Variants in ALG14 observed in about 807,000 individuals in gnomAD.
ALG14 encodes UDP-N-acetylglucosamine transferase subunit ALG14.
ALG14 carries 17 observed loss-of-function variants against 22.8 expected under a neutral mutation model. That is an observed-to-expected ratio of 0.75 (90% confidence interval 0.51 to 1.12). ALG14 has a LOEUF of 1.12. Ranked by LOEUF, ALG14 falls within the 50% of genes most tolerant of loss-of-function variation. The pLI is 0.00. For synonymous variants in ALG14, 89 were observed against 103.7 expected, an observed-to-expected ratio of 0.86 and a Z score of 0.86; for missense variants, 288 against 271.8, an observed-to-expected ratio of 1.06 and a Z score of -0.42.
intron 3 of ALG14, among the ~76,000 whole-genome samples, chr1:94,987,798 G>A (rs1672680678): frequency 6.6e-6 from 1 of 152,212 alleles, no homozygotes; most frequent in African/African-American, 2.4e-5. Flanking sequence ...GGGTTGGTTT[G>A]TAGGTCAGAG....
rs1672474192 is a variant in ALG14, at chr1:94,980,402, G to A, written c.*2674C>T. 6.6e-6 allele frequency: 1 copy of A among 152,224 alleles called. No individual in the cohort carries two copies. The highest frequency in any genetic ancestry group is 1.9e-4 in the East Asian group (1 of 5,206). 9.4% of individuals were successfully genotyped at this position (152,224 alleles called of 1,614,324 possible). A position where few individuals can be genotyped will look rare whatever the true frequency, so the allele number is the denominator to read the frequency against. ...GGACTGTAGATAGAAATCTTCCAGGGAAGTAGGTGTGGGCAGGATGTGTGG... is the reference window on the plus strand; with the variant it reads ...GGACTGTAGATAGAAATCTTCCAGGAAAGTAGGTGTGGGCAGGATGTGTGG... On this transcript the variant is annotated 3_prime_UTR_variant, in exon 4 of 4. Transcript: ENST00000370205.
At chr1:94,996,282 T>G (rs1672907682) in intron 3 of ALG14, among the ~76,000 whole-genome samples, 1 of 151,992 alleles carries the variant, frequency 6.6e-6, no homozygotes, top group East Asian at 1.9e-4. Context: ...ATTGGGGACC[T>G]CTGCTCTACA....
chr1:95,056,388 T>C (rs1395054323), intron 2 of ALG14, among the ~76,000 whole-genome samples: 1 of 152,230 alleles, frequency 6.6e-6, no homozygotes, highest in Non-Finnish European at 1.5e-5. Context: ...CTCATGTTTA[T>C]AATTCTAGCA....
At chr1:95,051,087 G>A (rs1008223093) in intron 2 of ALG14, among the ~76,000 whole-genome samples, 5 of 151,984 alleles carry the variant, frequency 3.3e-5, no homozygotes, top group Non-Finnish European at 7.4e-5. Context: ...CCTATACACA[G>A]AAGACTCCAA....
At chr1:94,984,080 C>G (rs1382819904) in intron 3 of ALG14, among the ~76,000 whole-genome samples, 2 of 151,832 alleles carry the variant, frequency 1.3e-5, no homozygotes, top group Non-Finnish European at 2.9e-5. Flanking sequence ...TAAGAGAAAA[C>G]CTGTTTCAGA....
intron 3 of ALG14, among the ~76,000 whole-genome samples, chr1:95,009,611 T>C (rs1673311363): frequency 6.6e-6 from 1 of 152,158 alleles, no homozygotes; most frequent in Non-Finnish European, 1.5e-5. Flanking sequence ...ATTCTCTGTA[T>C]GCAAAATAAT....
chr1:94,993,773 G>C (rs1243203479), intron 3 of ALG14, among the ~76,000 whole-genome samples: 1 of 152,134 alleles, frequency 6.6e-6, no homozygotes, highest in South Asian at 2.1e-4. Flanking sequence ...CTGATTTTTG[G>C]GGTTTGGGCT....
At chr1:95,036,214 C>T (rs1348421987) in intron 2 of ALG14, among the ~76,000 whole-genome samples, 6 of 152,118 alleles carry the variant, frequency 3.9e-5, no homozygotes, top group African/African-American at 2.4e-5. Context: ...ATGGGAAGGA[C>T]CAAGTGGAGA....
At chr1:95,005,402 G>A (rs1030954841) in intron 3 of ALG14, among the ~76,000 whole-genome samples, 5 of 146,590 alleles carry the variant, frequency 3.4e-5, no homozygotes, top group African/African-American at 1.4e-4. Context: ...ATGTTTCTAA[G>A]CCAGAAACGA....
chr1:95,072,418 C>T (rs1052799564), intron 1 of ALG14, among the ~76,000 whole-genome samples: 3 of 152,162 alleles, frequency 2.0e-5, no homozygotes, highest in Admixed American at 6.5e-5. Flanking sequence ...ACTAAATACG[C>T]AATACCTAGA....
intron 2 of ALG14, among the ~76,000 whole-genome samples, chr1:95,050,862 ATTTTTTT>A (rs34383912): frequency 7.6e-6 from 1 of 131,992 alleles, no homozygotes; most frequent in Non-Finnish European, 1.6e-5. Flanking sequence ...TCCCTGGGTA[ATTTTTTT>A]TTTTTTTTTT....
In ALG14 at chr1:95,072,943, G is replaced by T. The variant is rs1298533511; in HGVS notation, c.-45C>A. 6.2e-7 allele frequency: 1 copy of T among 1,610,748 alleles called. No individual in the cohort carries two copies. The highest frequency in any genetic ancestry group is 1.3e-5 in the African/African-American group (1 of 74,866). ...GTCCAACTTCCGGGGACCAGCCGCT[G>T]TCAAAGTTCACAACTACGGGTGCCG... On this transcript the variant is annotated 5_prime_UTR_variant, in exon 1 of 4. Coordinates refer to ENST00000370205, the MANE Select transcript of ALG14 (RefSeq NM_144988.4).
chr1:95,009,123 G>C (rs1161291379), intron 3 of ALG14, among the ~76,000 whole-genome samples: 1 of 152,026 alleles, frequency 6.6e-6, no homozygotes, highest in Admixed American at 6.6e-5. Flanking sequence ...TGGTGTACAA[G>C]TATCTGTTTG....
rs1242410007 is a variant in ALG14, at chr1:95,027,190, A to C, written c.359T>G (p.Phe120Cys). Residue 120 changes from phenylalanine (F) to cysteine (C), a missense_variant, in exon 3 of 4, where the codon TTC (phenylalanine) becomes TGC (cysteine). Phe to Cys is a radical substitution (Grantham distance 205, BLOSUM62 -2). Coordinates refer to ENST00000370205, the MANE Select transcript of ALG14 (RefSeq NM_144988.4). ...EVQQSWPSTV[F>C]TTLHSMWLSF... ...GAGCCACATGGAGTGCAAGGTGGTG[A>C]AAACGGTGGAGGGCCAGGACTGCTG... 6.2e-7 allele frequency: 1 copy of C among 1,614,176 alleles called. No homozygotes were observed.
chr1:95,038,095 A>C (rs1674256532), intron 2 of ALG14, among the ~76,000 whole-genome samples: 1 of 152,224 alleles, frequency 6.6e-6, no homozygotes, highest in African/African-American at 2.4e-5. Flanking sequence ...TAATCCCAGC[A>C]CTTTGGGAGG....
Position 94,977,341 on chromosome 1 carries a change from C to T in ALG14, c.*5735G>A, listed in dbSNP as rs535184777. The T allele has an allele frequency of 1.2e-4, 18 of 152,226 alleles. No homozygotes were observed. Among genetic ancestry groups the T allele is most frequent in the African/African-American group, 4.3e-4 (18 of 41,542 alleles). 9.4% of individuals were successfully genotyped at this position (152,226 alleles called of 1,614,324 possible). A position where few individuals can be genotyped will look rare whatever the true frequency, so the allele number is the denominator to read the frequency against. On this transcript the variant is annotated 3_prime_UTR_variant, in exon 4 of 4. Coordinates refer to ENST00000370205, the MANE Select transcript of ALG14 (RefSeq NM_144988.4). ...ATTTTAAAAAAAGAAGAGATGAATT[C>T]GCTGATGTGACATTATGTAAAGCAG... is the stretch of plus-strand genomic sequence containing the variant.
intron 2 of ALG14, among the ~76,000 whole-genome samples, chr1:95,059,504 CTCTTTT>C (rs1675062576): frequency 2.7e-5 from 4 of 150,306 alleles, no homozygotes; most frequent in Non-Finnish European, 5.9e-5. Context: ...TTTTTTCTTC[CTCTTTT>C]TAAGTTTCTT....
In ALG14 at chr1:94,976,730, C is replaced by G. The variant is rs112751436; in HGVS notation, c.*6346G>C. On this transcript the variant is annotated 3_prime_UTR_variant, in exon 4 of 4. Coordinates refer to ENST00000370205, the MANE Select transcript of ALG14 (RefSeq NM_144988.4). Reference sequence around the variant, plus strand: ...AAAGATGTCCCCTAATATTCCACCCCCTGATTTACATGCCCTGGATAATCT... The same window carrying G: ...AAAGATGTCCCCTAATATTCCACCCGCTGATTTACATGCCCTGGATAATCT... 6,445 of 152,154 alleles carry G rather than the reference C, an allele frequency of 0.042. 192 individuals are homozygous for G. The highest frequency in any genetic ancestry group is 0.085 in the South Asian group (410 of 4,812). The allele number at this position is 152,154 out of a possible 1,614,324, so 9.4% of individuals were successfully genotyped here. A position where few individuals can be genotyped will look rare whatever the true frequency, so the allele number is the denominator to read the frequency against.
intron 2 of ALG14, among the ~76,000 whole-genome samples, chr1:95,052,858 A>G (rs1464489697): frequency 1.2e-4 from 3 of 24,358 alleles, no homozygotes; most frequent in East Asian, 3.6e-3. Context: ...CTGCATCTCG[A>G]AAAAAAAAAA....
Sources: allele counts gnomAD v4.1 joint callset (sites outside exome capture counted in the v4.1 genomes callset), GRCh38; gene constraint gnomAD v4.1.1; transcripts MANE v1.5; gene names NCBI Gene and HGNC (gene_info 2026-07-23, HGNC 2026-07-21).